Variants in RPS6KC1 observed in about 807,000 individuals in gnomAD.
The protein encoded by RPS6KC1 is ribosomal protein S6 kinase C1, also known as inactive ribosomal protein S6 kinase delta-1.
A neutral mutation model predicts 103.8 loss-of-function variants in RPS6KC1; 54 were observed. The observed-to-expected ratio is 0.52, with a 90% CI of 0.42 to 0.65. RPS6KC1 has a LOEUF of 0.65. Among genes scored for constraint, RPS6KC1 ranks in the 30% least tolerant of loss-of-function variants. The pLI is 0.00. For synonymous variants in RPS6KC1, 439 were observed against 438.7 expected, an observed-to-expected ratio of 1.00 and a Z score of -0.01; for missense variants, 1,151 against 1,253.8, an observed-to-expected ratio of 0.92 and a Z score of 1.24.
At chr1:213,144,598 C>T (rs905201275) in intron 6 of RPS6KC1, among the ~76,000 whole-genome samples, 1 of 152,010 alleles carries the variant, frequency 6.6e-6, no homozygotes, top group Non-Finnish European at 1.5e-5. Context: ...TTGTTCTTCC[C>T]CACTTGATCT....
At chr1:213,579,761 T>C in the RPS6KC1 span, among the ~76,000 whole-genome samples, 1 of 152,154 alleles carries the variant, frequency 6.6e-6, no homozygotes, top group African/African-American at 2.4e-5. Context: ...TAAATCTACT[T>C]TGCCTCTGCT....
the RPS6KC1 span, among the ~76,000 whole-genome samples, chr1:213,523,422 A>G: frequency 6.6e-6 from 1 of 152,226 alleles, no homozygotes; most frequent in African/African-American, 2.4e-5. Context: ...GCACCAATAG[A>G]GTTTCTTGAT....
chr1:213,814,653 G>A, the RPS6KC1 span, among the ~76,000 whole-genome samples: 1 of 152,148 alleles, frequency 6.6e-6, no homozygotes, highest in African/African-American at 2.4e-5. Context: ...TGGTTATTCA[G>A]GGCTAAGCAC....
chr1:213,107,295 G>GATC (rs1428764546), intron 4 of RPS6KC1, among the ~76,000 whole-genome samples: 2 of 152,038 alleles, frequency 1.3e-5, no homozygotes, highest in Non-Finnish European at 2.9e-5. Flanking sequence ...TACTTGCTAT[G>GATC]GTGATCCCCT....
chr1:213,790,558 A>G, the RPS6KC1 span, among the ~76,000 whole-genome samples: 5 of 152,290 alleles, frequency 3.3e-5, no homozygotes, highest in South Asian at 1.0e-3. Flanking sequence ...GTACTTCATA[A>G]TTCCATAACT....
the RPS6KC1 span, among the ~76,000 whole-genome samples, chr1:213,794,821 C>T: frequency 6.6e-6 from 1 of 152,148 alleles, no homozygotes; most frequent in African/African-American, 2.4e-5. Context: ...GCCATAGTGA[C>T]CTTTAACCTA....
chr1:213,499,697 C>T, the RPS6KC1 span, among the ~76,000 whole-genome samples: 1 of 151,406 alleles, frequency 6.6e-6, no homozygotes, highest in Non-Finnish European at 1.5e-5. Context: ...GGGCTGGGGC[C>T]AGTGTGCTTA....
At chr1:213,361,555 C>T in the RPS6KC1 span, among the ~76,000 whole-genome samples, 2 of 152,238 alleles carry the variant, frequency 1.3e-5, no homozygotes, top group Admixed American at 1.3e-4. Flanking sequence ...GTGCGCTGCA[C>T]CCACTGTCCA....
chr1:213,740,990 CAT>C, the RPS6KC1 span, among the ~76,000 whole-genome samples: 4 of 148,536 alleles, frequency 2.7e-5, no homozygotes, highest in Non-Finnish European at 5.9e-5. Context: ...TATATGTACA[CAT>C]ATATATATCT....
the RPS6KC1 span, among the ~76,000 whole-genome samples, chr1:213,328,504 C>CTATATATATATATATATATATATATA: frequency 2.0e-5 from 2 of 101,464 alleles, no homozygotes; most frequent in Non-Finnish European, 4.3e-5. Flanking sequence ...AGCCATTATA[C>CTATATATATATATATATATATATATA]TATATATATA....
chr1:213,539,036 T>C, the RPS6KC1 span, among the ~76,000 whole-genome samples: 1 of 152,212 alleles, frequency 6.6e-6, no homozygotes, highest in Non-Finnish European at 1.5e-5. Context: ...TTGGCTCTTT[T>C]GCAATGTTGG....
the RPS6KC1 span, among the ~76,000 whole-genome samples, chr1:213,533,637 G>T: frequency 6.6e-6 from 1 of 152,124 alleles, no homozygotes; most frequent in Non-Finnish European, 1.5e-5. Context: ...TTCATACAAG[G>T]TTTTTTGGAC....
chr1:213,806,856 T>C, the RPS6KC1 span, among the ~76,000 whole-genome samples: 1 of 151,244 alleles, frequency 6.6e-6, no homozygotes, highest in Non-Finnish European at 1.5e-5. Flanking sequence ...CGTTAGTTGA[T>C]GCAGTTTCTT....
intron 8 of RPS6KC1, among the ~76,000 whole-genome samples, chr1:213,182,426 G>A (rs2148372478): frequency 6.6e-6 from 1 of 152,236 alleles, no homozygotes; most frequent in African/African-American, 2.4e-5. Context: ...GGGAGGCAAA[G>A]GTTATAGTGA....
chr1:213,363,613 G>GCTTGCTTGCTTGCTTT, the RPS6KC1 span, among the ~76,000 whole-genome samples: 1 of 81,172 alleles, frequency 1.2e-5, no homozygotes, highest in East Asian at 3.8e-4. Flanking sequence ...TCGCTTGCTT[G>GCTTGCTTGCTTGCTTT]CTTGCTTGCT....
downstream of RPS6KC1, among the ~76,000 whole-genome samples, chr1:213,277,522 G>T (rs905695194): frequency 6.6e-6 from 1 of 152,214 alleles, no homozygotes; most frequent in Non-Finnish European, 1.5e-5. Context: ...GCAATAGAGA[G>T]CCTTCTTTAT....
At chr1:213,849,424 C>A in the RPS6KC1 span, among the ~76,000 whole-genome samples, 1 of 152,158 alleles carries the variant, frequency 6.6e-6, no homozygotes, top group African/African-American at 2.4e-5. Context: ...TCAACCCTTT[C>A]TTTACCAATT....
chr1:213,288,736 A>T, the RPS6KC1 span, among the ~76,000 whole-genome samples: 3 of 152,202 alleles, frequency 2.0e-5, no homozygotes, highest in East Asian at 5.8e-4. Flanking sequence ...CCTGAACTCA[A>T]TCCCTACATT....
At chr1:213,383,155 T>C in the RPS6KC1 span, among the ~76,000 whole-genome samples, 1 of 152,100 alleles carries the variant, frequency 6.6e-6, no homozygotes, top group East Asian at 1.9e-4. Flanking sequence ...TGTGTTTGTC[T>C]TTTCATCTGT....
Sources: allele counts gnomAD v4.1 joint callset (sites outside exome capture counted in the v4.1 genomes callset), GRCh38; gene constraint gnomAD v4.1.1; transcripts MANE v1.5; gene names NCBI Gene and HGNC (gene_info 2026-07-23, HGNC 2026-07-21).